The following MORN1 variants were observed in gnomAD, a reference collection of about 807,000 sequenced individuals.
The protein encoded by MORN1 is MORN repeat-containing protein 1.
A neutral mutation model predicts 61.9 loss-of-function variants in MORN1; 67 were observed. The observed-to-expected ratio is 1.08, with a 90% CI of 0.89 to 1.33. MORN1 has a LOEUF of 1.33. Among genes scored for constraint, MORN1 ranks in the 40% most tolerant of loss-of-function variants. The pLI, the probability that MORN1 is intolerant of heterozygous loss-of-function variation, is 0.00. For synonymous variants in MORN1, 301 were observed against 292.0 expected, an observed-to-expected ratio of 1.03 and a Z score of -0.31; for missense variants, 752 against 691.2, an observed-to-expected ratio of 1.09 and a Z score of -0.99.
intron 12 of MORN1, among the ~76,000 whole-genome samples, chr1:2,325,394 A>T (rs764427430): frequency 2.0e-5 from 3 of 150,372 alleles, no homozygotes; most frequent in Non-Finnish European, 3.0e-5. Context: ...TGCGGCCTCC[A>T]ACTCCTGGGC....
intron 10 of MORN1, among the ~76,000 whole-genome samples, chr1:2,346,727 C>T (rs1457423578): frequency 6.6e-6 from 1 of 152,246 alleles, no homozygotes; most frequent in Admixed American, 6.5e-5. Context: ...GCACCCCCTT[C>T]TCCTTCCCCC....
chr1:2,323,354 AC>A (rs2100214756), intron 13 of MORN1: 1 of 985,300 alleles, frequency 1.0e-6, no homozygotes, highest in Non-Finnish European at 1.2e-6. Context: ...GCGGGTCCAG[AC>A]CTTCCAGCCT....
intron 12 of MORN1, among the ~76,000 whole-genome samples, chr1:2,325,269 C>T (rs1239191534): frequency 9.5e-6 from 1 of 105,632 alleles, no homozygotes; most frequent in African/African-American, 4.5e-5. Context: ...CTCTCTCTGC[C>T]TCTCTTTCTC....
chr1:2,387,597 C>T lies in MORN1; in HGVS notation c.248-68G>A, dbSNP rs911403408. 25 of 1,142,352 alleles carry T rather than the reference C, an allele frequency of 2.2e-5. 1 individual carries two copies. The highest frequency in any genetic ancestry group is 6.5e-6 in the Non-Finnish European group (5 of 764,758). The allele number at this position is 1,142,352 out of a possible 1,614,324, so 70.8% of individuals were successfully genotyped here. A position where few individuals can be genotyped will look rare whatever the true frequency, so the allele number is the denominator to read the frequency against. ...AGGGCTGCGGCCCCAGTCGGCTCTC[C>T]TCTGTCCCTGGCCCATGACACGCAG... is the stretch of plus-strand genomic sequence containing the variant. On this transcript the variant is annotated intron_variant, in intron 3 of 13. Transcript: ENST00000378531.
chr1:2,331,836 C>CGAAATTACAGGCTGGTGTG (rs1641157045), intron 12 of MORN1, among the ~76,000 whole-genome samples: 3 of 143,232 alleles, frequency 2.1e-5, no homozygotes, highest in South Asian at 2.2e-4. Flanking sequence ...GCGCCTCTCC[C>CGAAATTACAGGCTGGTGTG]TCGTGCGGCT....
intron 13 of MORN1, chr1:2,323,435 G>A (rs773863384): frequency 4.6e-4 from 449 of 985,412 alleles, no homozygotes; most frequent in Non-Finnish European, 5.1e-4. Context: ...GTGACAGAGA[G>A]GCTCCATTCT....
intron 10 of MORN1, among the ~76,000 whole-genome samples, chr1:2,339,566 G>A (rs930946856): frequency 7.2e-5 from 11 of 152,182 alleles, no homozygotes; most frequent in Non-Finnish European, 1.5e-5. Context: ...CAACAAGGCT[G>A]ACATCAAAGC....
chr1:2,333,792 C>T (rs1224926638), intron 12 of MORN1, among the ~76,000 whole-genome samples: 1 of 152,246 alleles, frequency 6.6e-6, no homozygotes, highest in East Asian at 1.9e-4. Context: ...GGCTGAGGAC[C>T]CTGCCTGGAA....
intron 8 of MORN1, among the ~76,000 whole-genome samples, chr1:2,369,536 A>T (rs1360268520): frequency 6.6e-6 from 1 of 152,056 alleles, no homozygotes; most frequent in African/African-American, 2.4e-5. Flanking sequence ...ATATAGAGAA[A>T]ATCTTAAGGA....
chr1:2,332,044 G>T (rs1641169780), intron 12 of MORN1: 1 of 160,716 alleles, frequency 6.2e-6, no homozygotes, highest in South Asian at 1.2e-4. Context: ...ATTACAGGCT[G>T]GTGTGTCACT....
intron 3 of MORN1, 194 bp downstream of exon 3, chr1:2,388,045 C>T (rs1282118568): frequency 1.1e-5 from 6 of 533,334 alleles, no homozygotes; most frequent in African/African-American, 3.9e-5. Flanking sequence ...AAAGTGTCTC[C>T]GGAAGCCTGA....
Position 2,387,406 on chromosome 1 carries a change from G to A in MORN1, c.358+13C>T, listed in dbSNP as rs1642529555. On this transcript the variant is annotated intron_variant, in intron 4 of 13. Transcript: ENST00000378531. Reference sequence around the variant, plus strand: ...CCCACCCTCACAGCACCCGGCTCCTGTGGGCGCCAGACCTTCCCGCATGCC... The same window carrying A: ...CCCACCCTCACAGCACCCGGCTCCTATGGGCGCCAGACCTTCCCGCATGCC... 12 of 1,602,446 alleles carry A rather than the reference G, an allele frequency of 7.5e-6. No homozygotes were observed. Among genetic ancestry groups the A allele is most frequent in the African/African-American group, 1.3e-5 (1 of 74,852 alleles).
chr1:2,390,746 C>T (rs996536483), intron 1 of MORN1: 6 of 984,956 alleles, frequency 6.1e-6, no homozygotes, highest in African/African-American at 1.8e-5. Flanking sequence ...CCTATCAAAA[C>T]CTGCTCTTTT....
At chr1:2,354,241 C>T (rs1557878736) in intron 10 of MORN1, among the ~76,000 whole-genome samples, 1 of 152,198 alleles carries the variant, frequency 6.6e-6, no homozygotes, top group Non-Finnish European at 1.5e-5. Flanking sequence ...CTGGGGAAAC[C>T]TGCCCAACCA....
chr1:2,328,943 C>T (rs1641092329), intron 12 of MORN1, among the ~76,000 whole-genome samples: 1 of 152,238 alleles, frequency 6.6e-6, no homozygotes, highest in Non-Finnish European at 1.5e-5. Context: ...CAGGCATCTG[C>T]AGCCCAGGGA....
At chr1:2,380,415 C>A (rs182669058) in intron 6 of MORN1, among the ~76,000 whole-genome samples, 1 of 152,206 alleles carries the variant, frequency 6.6e-6, no homozygotes, top group Admixed American at 6.5e-5. Context: ...AAGGCAGAAG[C>A]ACTTGGGGCC....
rs201619681 is a variant in MORN1 at position 2,352,473 on chromosome 1, AAGCACAT to A, written c.1036+4952_1036+4958del. The A allele has an allele frequency of 8.8e-4, 135 of 152,624 alleles. 2 individuals are homozygous for A. The East Asian group carries it at 0.02, about 22-fold the overall frequency. 9.5% of individuals were successfully genotyped at this position (152,624 alleles called of 1,614,324 possible). ...GCTAAAAGTAGCCACATCTCATCCT[AAGCACAT>A]AGCCTGCTTGGAGGAAGCCAAATGT... On this transcript the variant is annotated intron_variant, in intron 10 of 13. Transcript: ENST00000378531.
intron 8 of MORN1, among the ~76,000 whole-genome samples, chr1:2,367,014 A>G (rs891426651): frequency 2.0e-5 from 3 of 151,834 alleles, no homozygotes; most frequent in Non-Finnish European, 4.4e-5. Flanking sequence ...AAAAATACAT[A>G]GAAAAATACG....
intron 10 of MORN1, chr1:2,351,692 C>T (rs1346593312): frequency 1.1e-5 from 5 of 442,898 alleles, no homozygotes; most frequent in African/African-American, 2.1e-5. Flanking sequence ...CTGGTTGCTT[C>T]GCATTCTTTA....
Sources: allele counts gnomAD v4.1 joint callset (sites outside exome capture counted in the v4.1 genomes callset), GRCh38; gene constraint gnomAD v4.1.1; transcripts MANE v1.5; gene names NCBI Gene and HGNC (gene_info 2026-07-23, HGNC 2026-07-21).